CNTN4: variants seen among roughly 807,000 people sequenced by gnomAD.
The protein encoded by CNTN4 is contactin 4.
A neutral mutation model predicts 122.5 loss-of-function variants in CNTN4; 77 were observed. That is an observed-to-expected ratio of 0.63 (90% CI 0.52 to 0.76). The LOEUF is 0.76. CNTN4 is among the 30% of genes least tolerant of loss of function. The pLI is 0.00. For missense variants in CNTN4, 1,256 were observed against 1,259.1 expected (o/e 1.00, Z 0.04); for synonymous variants, 512 against 447.0 (o/e 1.15, Z -1.83).
chr3:3,007,457 A>T (rs28491675), intron 14 of CNTN4, among the ~76,000 whole-genome samples: 59 of 152,246 alleles, frequency 3.9e-4, no homozygotes, highest in African/African-American at 1.4e-3. Context: ...CATTTTAATC[A>T]ATAGCCTACA....
intron 14 of CNTN4, among the ~76,000 whole-genome samples, chr3:3,004,689 A>G (rs1696434550): frequency 6.6e-6 from 1 of 152,202 alleles, no homozygotes; most frequent in Non-Finnish European, 1.5e-5. Context: ...TTTAACCTTA[A>G]TCAGCACACA....
chr3:2,425,663 G>A (rs1310728704), intron 3 of CNTN4, among the ~76,000 whole-genome samples: 3 of 152,144 alleles, frequency 2.0e-5, no homozygotes, highest in Non-Finnish European at 4.4e-5. Flanking sequence ...ACCTTGGGCA[G>A]TATGGCCATT....
At chr3:2,784,959 C>A (rs2091750646) in intron 6 of CNTN4, among the ~76,000 whole-genome samples, 1 of 152,100 alleles carries the variant, frequency 6.6e-6, no homozygotes, top group Admixed American at 6.6e-5. Flanking sequence ...GATAATTATA[C>A]TTGAGTAGTT....
chr3:2,396,696 T>C (rs1334238882), intron 3 of CNTN4, among the ~76,000 whole-genome samples: 2 of 151,668 alleles, frequency 1.3e-5, no homozygotes, highest in African/African-American at 4.8e-5. Context: ...AACTCTTCTG[T>C]GCTGTCATAC....
chr3:2,309,333 GT>G (rs2042831788), intron 2 of CNTN4, among the ~76,000 whole-genome samples: 2 of 151,994 alleles, frequency 1.3e-5, no homozygotes, highest in Non-Finnish European at 2.9e-5. Context: ...CTTTCAGCCT[GT>G]TTTTGTCTTT....
At chr3:2,335,744 G>T (rs1360780688) in intron 2 of CNTN4, among the ~76,000 whole-genome samples, 1 of 152,042 alleles carries the variant, frequency 6.6e-6, no homozygotes, top group Non-Finnish European at 1.5e-5. Context: ...TTCCCAGTGA[G>T]GTGTGAATAA....
At chr3:2,856,966 T>A (rs1682469049) in intron 7 of CNTN4, among the ~76,000 whole-genome samples, 1 of 152,202 alleles carries the variant, frequency 6.6e-6, no homozygotes, top group African/African-American at 2.4e-5. Context: ...TGGGTTGGCC[T>A]GCAGTGGCAC....
At chr3:2,194,344 C>T (rs1642800977) in intron 2 of CNTN4, among the ~76,000 whole-genome samples, 1 of 151,834 alleles carries the variant, frequency 6.6e-6, no homozygotes, top group African/African-American at 2.4e-5. Flanking sequence ...TCCTGTAGTC[C>T]CAGCTCCTCA....
chr3:2,586,881 A>G (rs1009255242), intron 4 of CNTN4, among the ~76,000 whole-genome samples: 4 of 152,114 alleles, frequency 2.6e-5, no homozygotes, highest in East Asian at 3.9e-4. Context: ...TGCAGCCCCT[A>G]CAGTAGCAGT....
intron 3 of CNTN4, among the ~76,000 whole-genome samples, chr3:2,420,500 A>G (rs950085696): frequency 6.6e-6 from 1 of 151,874 alleles, no homozygotes; most frequent in Non-Finnish European, 1.5e-5. Context: ...CAGTGGCACA[A>G]TCTCGGGTCA....
chr3:2,964,952 C>T (rs572920453), intron 13 of CNTN4, among the ~76,000 whole-genome samples: 82 of 152,164 alleles, frequency 5.4e-4, no homozygotes, highest in Non-Finnish European at 1.9e-4. Context: ...GTGCCCTACT[C>T]GAGGGGTTGA....
chr3:2,126,336 T>G (rs1258228985), intron 2 of CNTN4, among the ~76,000 whole-genome samples: 1 of 152,188 alleles, frequency 6.6e-6, no homozygotes, highest in East Asian at 1.9e-4. Context: ...ATGGCACATT[T>G]CAGGGTGTCA....
chr3:2,535,979 C>A (rs2077788278), intron 3 of CNTN4, among the ~76,000 whole-genome samples: 2 of 152,032 alleles, frequency 1.3e-5, no homozygotes, highest in Non-Finnish European at 2.9e-5. Context: ...AAGAGCAAGC[C>A]CACCGTTTTG....
At chr3:2,967,653 T>C (rs1252511852) in intron 13 of CNTN4, among the ~76,000 whole-genome samples, 1 of 152,126 alleles carries the variant, frequency 6.6e-6, no homozygotes, top group Non-Finnish European at 1.5e-5. Context: ...TTTCACTGTC[T>C]CAGTTATAAT....
chr3:2,911,396 T>A (rs6803684), intron 12 of CNTN4, among the ~76,000 whole-genome samples: 21 of 152,116 alleles, frequency 1.4e-4, no homozygotes, highest in Middle Eastern at 3.4e-3. Context: ...CCAGAGAAGA[T>A]GCATCATCAG....
intron 2 of CNTN4, among the ~76,000 whole-genome samples, chr3:2,328,766 G>T (rs2043583709): frequency 6.6e-6 from 1 of 152,116 alleles, no homozygotes; most frequent in African/African-American, 2.4e-5. Context: ...ATCTAGAGAT[G>T]ATTTAAAATA....
intron 12 of CNTN4, 68 bp from the exon 13 acceptor site, chr3:2,925,559 GAA>G: frequency 6.6e-7 from 1 of 1,519,586 alleles, no homozygotes; most frequent in Non-Finnish European, 9.1e-7. Flanking sequence ...AAGAAAGAAA[GAA>G]AAAGACTAAG....
chr3:2,347,393 C>T (rs1167184231), intron 3 of CNTN4, among the ~76,000 whole-genome samples: 1 of 144,252 alleles, frequency 6.9e-6, no homozygotes, highest in Non-Finnish European at 1.5e-5. Flanking sequence ...ACTCCAAAGG[C>T]TATAAGGAAA....
At chr3:2,249,794 A>G (rs756836394) in intron 2 of CNTN4, among the ~76,000 whole-genome samples, 3 of 151,946 alleles carry the variant, frequency 2.0e-5, no homozygotes, top group Non-Finnish European at 4.4e-5. Context: ...TAGTACCACA[A>G]TGCCCCTTGC....
Sources: allele counts gnomAD v4.1 joint callset (sites outside exome capture counted in the v4.1 genomes callset), GRCh38; gene constraint gnomAD v4.1.1; transcripts MANE v1.5; gene names NCBI Gene and HGNC (gene_info 2026-07-23, HGNC 2026-07-21).